Variants in AKAP6 observed in about 807,000 individuals in gnomAD.
AKAP6 encodes the protein A-kinase anchor protein 6.
In AKAP6, 58 loss-of-function variants were observed where a neutral mutation model predicts 188.5. That is an observed-to-expected ratio of 0.31 (90% CI 0.25 to 0.38). AKAP6 has a LOEUF of 0.38. Among genes scored for constraint, AKAP6 ranks in the 10% least tolerant of loss-of-function variants. AKAP6 has a pLI of 1.00. For missense variants in AKAP6, 2,710 were observed against 2,740.0 expected, an observed-to-expected ratio of 0.99 and a Z score of 0.24; for synonymous variants, 989 against 998.6, an observed-to-expected ratio of 0.99 and a Z score of 0.18.
intron 1 of AKAP6, among the ~76,000 whole-genome samples, chr14:32,340,778 G>A (rs747537891): frequency 1.1e-4 from 17 of 152,198 alleles, no homozygotes; most frequent in Non-Finnish European, 2.5e-4. Flanking sequence ...CAAAGATTTG[G>A]TGTCAGGTGA....
intron 7 of AKAP6, among the ~76,000 whole-genome samples, chr14:32,606,908 T>A (rs984019344): frequency 6.6e-6 from 1 of 152,180 alleles, no homozygotes; most frequent in Non-Finnish European, 1.5e-5. Flanking sequence ...AGAATTTACA[T>A]CTATGTGGCC....
At chr14:32,481,953 G>A (rs1440435597) in intron 2 of AKAP6, among the ~76,000 whole-genome samples, 1 of 151,784 alleles carries the variant, frequency 6.6e-6, no homozygotes, top group Non-Finnish European at 1.5e-5. Flanking sequence ...CATTGTTATG[G>A]GAGCTATACA....
chr14:32,352,514 G>T (rs1887323037), intron 1 of AKAP6, among the ~76,000 whole-genome samples: 1 of 152,036 alleles, frequency 6.6e-6, no homozygotes, highest in Non-Finnish European at 1.5e-5. Flanking sequence ...TTCCTTTTAT[G>T]TAACTGTGAT....
At chr14:32,379,751 T>C (rs3784174) in intron 1 of AKAP6, among the ~76,000 whole-genome samples, 138,299 of 152,168 alleles carry the variant, frequency 0.91, 63,583 homozygotes, top group Non-Finnish European at 0.98. Context: ...GCAACTCCTG[T>C]CAAGAACATT....
At chr14:32,567,995 G>C (rs527436721) in intron 4 of AKAP6, among the ~76,000 whole-genome samples, 2 of 152,090 alleles carry the variant, frequency 1.3e-5, no homozygotes, top group South Asian at 4.2e-4. Context: ...GAGGGGAGGG[G>C]CTGGAGAAGA....
intron 1 of AKAP6, among the ~76,000 whole-genome samples, chr14:32,338,697 A>G (rs756327630): frequency 1.3e-4 from 20 of 152,246 alleles, no homozygotes; most frequent in Non-Finnish European, 2.5e-4. Context: ...TCTTAGCTCT[A>G]CTATAAAATT....
chr14:32,738,380 G>A (rs1484564012), intron 11 of AKAP6, among the ~76,000 whole-genome samples: 1 of 152,130 alleles, frequency 6.6e-6, no homozygotes, highest in Non-Finnish European at 1.5e-5. Context: ...GTCCCAAAAC[G>A]AGTCGAGGAA....
intron 1 of AKAP6, among the ~76,000 whole-genome samples, chr14:32,392,855 T>C (rs907129449): frequency 4.6e-5 from 7 of 152,154 alleles, no homozygotes; most frequent in Admixed American, 1.3e-4. Flanking sequence ...GGGTTAAAAT[T>C]AATAAATAAA....
In AKAP6 at chr14:32,823,335, A is replaced by T; in HGVS notation, c.5522A>T (p.Asp1841Val). Residue 1841 changes from aspartate (D) to valine (V), a missense_variant, in exon 13 of 14, where the codon GAT becomes GTT. Around this residue, in one of 2 missense-constraint regions of AKAP6, gnomAD observed 2,473 missense variants for 2,426.1 expected, o/e 1.02. Transcript: ENST00000280979. ...AGCAGTGAGATGACCAATCCCTCTG[A>T]TACTCTGAATATTGAGACCCTTCTA... is the stretch of plus-strand genomic sequence containing the variant. ...ISSSEMTNPS[D>V]TLNIETLLNG... The T allele has an allele frequency of 6.2e-7, 1 of 1,613,888 alleles. No individual in the cohort carries two copies. Among genetic ancestry groups the T allele is most frequent in the South Asian group, 1.1e-5 (1 of 91,074 alleles).
chr14:32,515,588 C>G (rs1881480517), intron 2 of AKAP6, among the ~76,000 whole-genome samples: 1 of 152,116 alleles, frequency 6.6e-6, no homozygotes, highest in Non-Finnish European at 1.5e-5. Context: ...CTTGAGAGTA[C>G]AGGTCACCCA....
At chr14:32,536,995 A>T (rs1437126692) in intron 3 of AKAP6, among the ~76,000 whole-genome samples, 1 of 152,226 alleles carries the variant, frequency 6.6e-6, no homozygotes, top group Non-Finnish European at 1.5e-5. Context: ...TAAGGCACTT[A>T]CATTAATATA....
intron 1 of AKAP6, among the ~76,000 whole-genome samples, chr14:32,360,170 C>T (rs1269023980): frequency 1.3e-5 from 2 of 151,860 alleles, no homozygotes; most frequent in African/African-American, 4.8e-5. Flanking sequence ...CTCTGTCACC[C>T]AGGCTGGAGT....
At chr14:32,814,416 C>T (rs916123426) in intron 12 of AKAP6, among the ~76,000 whole-genome samples, 1 of 152,190 alleles carries the variant, frequency 6.6e-6, no homozygotes, top group Admixed American at 6.5e-5. Context: ...CCTTCCTCCC[C>T]GCCCGCAGGC....
Position 32,545,674 on chromosome 14 carries a change from T to C in AKAP6, c.1021T>C (p.Ser341Pro), listed in dbSNP as rs150685060. The C allele has an allele frequency of 1.2e-6, 2 of 1,614,054 alleles. No individual in the cohort carries two copies. Among genetic ancestry groups the C allele is most frequent in the African/African-American group, 1.3e-5 (1 of 74,916 alleles). The change falls in exon 4 of 14, where the codon TCT (serine) becomes CCT (proline). Residue 341 changes from serine (S) to proline (P), a missense_variant. Around this residue, in one of 2 missense-constraint regions of AKAP6, gnomAD observed 2,473 missense variants for 2,426.1 expected, o/e 1.02. Transcript: ENST00000280979. The part of the protein sequence containing the change: ...EALTNAAQPS[S>P]ETVQQESSSS... ...TCTGACAAATGCTGCTCAACCCTCCTCTGAGACTGTGCAGCAAGAATCCAG... is the reference window on the plus strand; with the variant it reads ...TCTGACAAATGCTGCTCAACCCTCCCCTGAGACTGTGCAGCAAGAATCCAG...
At chr14:32,387,311 A>G (rs771255129) in intron 1 of AKAP6, among the ~76,000 whole-genome samples, 74 of 152,048 alleles carry the variant, frequency 4.9e-4, no homozygotes, top group Non-Finnish European at 8.1e-4. Context: ...TGCTCTGGCT[A>G]GGACTTCCAG....
chr14:32,755,511 A>AATTATT (rs61016268), intron 11 of AKAP6, among the ~76,000 whole-genome samples: 12 of 149,028 alleles, frequency 8.1e-5, no homozygotes, highest in South Asian at 6.4e-4. Context: ...AGATTAAGGC[A>AATTATT]ATTATTATTA....
intron 12 of AKAP6, among the ~76,000 whole-genome samples, chr14:32,813,395 C>CAA (rs375061629): frequency 8.4e-6 from 1 of 119,562 alleles, no homozygotes; most frequent in Non-Finnish European, 1.7e-5. Context: ...CCCTACCCCC[C>CAA]CCCCCAACCC....
intron 11 of AKAP6, among the ~76,000 whole-genome samples, chr14:32,762,526 A>G (rs2032573275): frequency 6.6e-6 from 1 of 152,100 alleles, no homozygotes; most frequent in Non-Finnish European, 1.5e-5. Flanking sequence ...AGAATGCCAC[A>G]CAGAGATAAC....
intron 1 of AKAP6, among the ~76,000 whole-genome samples, chr14:32,399,996 C>G (rs573813861): frequency 2.7e-4 from 41 of 152,156 alleles, no homozygotes; most frequent in Middle Eastern, 3.4e-3. Context: ...TGTGTTCTTA[C>G]CAAGAGGCTT....
Sources: gnomAD v4.1 joint callset for allele counts (sites outside exome capture counted in the v4.1 genomes callset) on GRCh38, gnomAD v4.1.1 for gene constraint, gnomAD v4.1.1 regional missense constraint, MANE v1.5 for transcripts, NCBI Gene and HGNC (gene_info 2026-07-23, HGNC 2026-07-21) for gene names.